DGKA: variants seen among roughly 807,000 people sequenced by gnomAD.
DGKA encodes the protein 80 kDa diacylglycerol kinase.
A neutral mutation model predicts 105.0 loss-of-function variants in DGKA; 35 were observed. The ratio of observed to expected loss-of-function variants is 0.33; its 90% CI spans 0.25 to 0.44. DGKA has a LOEUF of 0.44. DGKA is among the 20% of genes least tolerant of loss of function. The pLI is 1.00. For missense variants in DGKA, 665 were observed against 915.0 expected (o/e 0.73, Z 3.53); for synonymous variants, 296 against 332.0 (o/e 0.89, Z 1.18).
chr12:55,941,978 C>G lies in DGKA; in HGVS notation c.1251-20C>G. The G allele has an allele frequency of 6.2e-7, 1 of 1,613,418 alleles. No homozygotes were observed. The highest frequency in any genetic ancestry group is 8.5e-7 in the Non-Finnish European group (1 of 1,179,450). On this transcript the variant is annotated intron_variant, in intron 15 of 23. Coordinates refer to ENST00000331886, the MANE Select transcript of DGKA (RefSeq NM_001345.5). ...CAGTCCTGTTATCCTTCTTCATATT[C>G]TCTCTCCCCTTTGTCTCAGGCTCCG...
rs565823902 is a variant in DGKA, at chr12:55,951,906, T to G, written c.1587+123T>G. ...TGACACAGGGAAATTGGGAGTGCAG[T>G]ACAGTGCTGAGTTGCAAGGGAAGAT... On this transcript the variant is annotated intron_variant, in intron 18 of 23. Transcript: ENST00000331886. The G allele has an allele frequency of 1.4e-4, 203 of 1,498,870 alleles. 1 individual carries two copies. The African/African-American group carries it at 2.6e-3, about 19-fold the overall frequency. The allele number at this position is 1,498,870 out of a possible 1,614,324, so 92.8% of individuals were successfully genotyped here.
upstream of DGKA, among the ~76,000 whole-genome samples, chr12:55,928,067 C>T (rs181369393): frequency 7.0e-4 from 107 of 152,316 alleles, 1 homozygote; most frequent in Non-Finnish European, 7.8e-4. Context: ...CGCCGTACCT[C>T]CCTATTCTGC....
At chr12:55,938,811 G>A (rs1885302383) in intron 6 of DGKA, 104 bp from the exon 7 acceptor site, 2 of 1,562,574 alleles carry the variant, frequency 1.3e-6, no homozygotes, top group Admixed American at 1.7e-5. Flanking sequence ...GAGAATGAGA[G>A]GTGTGAATCT....
Position 55,952,714 on chromosome 12 carries a change from AC to A in DGKA, c.1744-19del. 1 of 1,613,654 alleles carries A rather than the reference AC, an allele frequency of 6.2e-7. No homozygotes were observed. On this transcript the variant is annotated intron_variant, in intron 20 of 23. Transcript: ENST00000331886. This position sits in a 1 kb window ranked among gnomAD's most constrained non-coding sequence, Gnocchi z 5.1. Reference sequence around the variant, plus strand: ...AGGATCTGTACCCTCCCTAACTGGGACTGTGCCCCCTCCTCTCAGATCTGTG... The same window carrying A: ...AGGATCTGTACCCTCCCTAACTGGGATGTGCCCCCTCCTCTCAGATCTGTG...
At chr12:55,927,771 G>A (rs547078603), upstream of DGKA, 1,373 of 1,538,654 alleles carry the variant, frequency 8.9e-4, 18 homozygotes, top group Middle Eastern at 9.2e-3. Context: ...TGGCCGAAGA[G>A]GCAGCGGACC....
In DGKA at chr12:55,940,122, C is replaced by T. The variant is rs757293862; in HGVS notation, c.750C>T (p.Ala250=). ...YTVHDQCAMK[A]LPCEVSTYAK... is the part of the protein sequence containing the mutation. ...TTCACGACCAGTGTGCCATGAAAGCCCTGCCTTGTGAAGTCAGCACCTATG... is the reference window on the plus strand; with the variant it reads ...TTCACGACCAGTGTGCCATGAAAGCTCTGCCTTGTGAAGTCAGCACCTATG... Residue 250 remains alanine, a synonymous_variant, in exon 10 of 24, where the codon GCC becomes GCT. Transcript: ENST00000331886. The surrounding 1 kb of genome is among the most constrained non-coding windows in gnomAD (Gnocchi z 4.3). 65 of 1,614,092 alleles carry T rather than the reference C, an allele frequency of 4.0e-5. No individual in the cohort carries two copies. The South Asian group carries it at 6.6e-4, about 16-fold the overall frequency.
chr12:55,947,122 A>G (rs561475985), intron 17 of DGKA, among the ~76,000 whole-genome samples: 33 of 151,926 alleles, frequency 2.2e-4, no homozygotes, highest in African/African-American at 8.0e-4. Flanking sequence ...AGTAGCTGGA[A>G]TTACAGGCAT....
chr12:55,946,467 C>T (rs978040534), intron 17 of DGKA, among the ~76,000 whole-genome samples: 9 of 152,236 alleles, frequency 5.9e-5, no homozygotes, highest in Non-Finnish European at 1.2e-4. Context: ...AGTGATTCTC[C>T]GGCCTCAGCC....
chr12:55,942,463 T>A, intron 17 of DGKA, 200 bp downstream of exon 17: 1 of 564,570 alleles, frequency 1.8e-6, no homozygotes, highest in Non-Finnish European at 3.2e-6. Flanking sequence ...CCTAGAAGGG[T>A]CAAGGGTGAT....
chr12:55,953,376 T>C lies in DGKA; in HGVS notation c.2090T>C (p.Ile697Thr). ...FHTTKTLPMQIDGEPWMQTPC... is the reference protein window; with the variant it reads ...FHTTKTLPMQTDGEPWMQTPC... ...ACCACAAAAACCCTTCCCATGCAAA[T>C]TGACGGAGAACCCTGGATGCAGACG... The change falls in exon 23 of 24, where the codon ATT becomes ACT. Residue 697 changes from isoleucine (I) to threonine (T), a missense_variant. This residue lies in a region of DGKA where 158 missense variants were observed against 213.4 expected (regional missense o/e 0.74). Transcript: ENST00000331886. The C allele has an allele frequency of 6.2e-7, 1 of 1,614,052 alleles. No homozygotes were observed. The highest frequency in any genetic ancestry group is 8.5e-7 in the Non-Finnish European group (1 of 1,179,988).
chr12:55,934,197 T>C (rs538913681), intron 1 of DGKA, among the ~76,000 whole-genome samples: 1 of 152,316 alleles, frequency 6.6e-6, no homozygotes, highest in South Asian at 2.1e-4. Flanking sequence ...CTGTCCTCTC[T>C]CCTTTGCATT....
intron 1 of DGKA, chr12:55,936,185 T>A: frequency 1.9e-6 from 1 of 513,708 alleles, no homozygotes; most frequent in Non-Finnish European, 2.9e-6. Flanking sequence ...GGGAGAAGGA[T>A]CCAGAAATGG....
chr12:55,937,288 ACTC>A (rs1253277392), intron 3 of DGKA, 117 bp from the exon 4 acceptor site: 4 of 1,311,810 alleles, frequency 3.0e-6, no homozygotes, highest in African/African-American at 1.5e-5. Flanking sequence ...AAGAAACCAT[ACTC>A]CTGCCTCAGA....
rs57799285 is a variant in DGKA at position 55,932,709 on chromosome 12, G to GCACACACACA, written c.-82+1388_-82+1397dup. The GCACACACACA allele has an allele frequency of 2.2e-6, 1 of 456,750 alleles. No individual in the cohort carries two copies. Among genetic ancestry groups the GCACACACACA allele is most frequent in the African/African-American group, 2.1e-5 (1 of 48,220 alleles). The allele number at this position is 456,750 out of a possible 1,614,324, so 28.3% of individuals were successfully genotyped here. A position where few individuals can be genotyped will look rare whatever the true frequency, so the allele number is the denominator to read the frequency against. On this transcript the variant is annotated intron_variant, in intron 1 of 23. Coordinates refer to ENST00000331886, the MANE Select transcript of DGKA (RefSeq NM_001345.5). This position sits in a 1 kb window ranked among gnomAD's most constrained non-coding sequence, Gnocchi z 4.3. ...ACACCCTCTACACACACACACACAC[G>GCACACACACA]CACACACACACACACACACACACAC...
intron 3 of DGKA, 128 bp from the exon 4 acceptor site, chr12:55,937,280 G>C (rs1249073533): frequency 7.7e-7 from 1 of 1,295,108 alleles, no homozygotes; most frequent in Non-Finnish European, 1.1e-6. Flanking sequence ...CTTAATCAAA[G>C]AAACCATACT....
chr12:55,936,372 A>T, intron 1 of DGKA, 51 bp from the exon 2 acceptor site: 1 of 1,452,746 alleles, frequency 6.9e-7, no homozygotes, highest in Non-Finnish European at 9.0e-7. Flanking sequence ...AGAAGAAAAG[A>T]CACCCAGACA....
At chr12:55,942,447 T>C (rs1886215847) in intron 17 of DGKA, 184 bp downstream of exon 17, 1 of 600,660 alleles carries the variant, frequency 1.7e-6, no homozygotes, top group Admixed American at 2.9e-5. Flanking sequence ...GGGACCACAA[T>C]CTGAACCTAG....
chr12:55,932,291 C>T lies in DGKA; in HGVS notation c.-82+947C>T. The T allele has an allele frequency of 3.8e-6, 2 of 531,330 alleles. No individual in the cohort carries two copies. The highest frequency in any genetic ancestry group is 3.2e-5 in the East Asian group (1 of 31,004). 32.9% of individuals were successfully genotyped at this position (531,330 alleles called of 1,614,324 possible). ...GGGTCTGCGCTGGGACGCGGGGGTG[C>T]AGCGGGAGGGCTGGGCCCGAACCCG... On this transcript the variant is annotated intron_variant, in intron 1 of 23. Transcript: ENST00000331886. The surrounding 1 kb of genome is among the most constrained non-coding windows in gnomAD (Gnocchi z 4.3).
intron 2 of DGKA, 151 bp downstream of exon 2, chr12:55,936,718 G>A: frequency 9.0e-7 from 1 of 1,111,626 alleles, no homozygotes; most frequent in Non-Finnish European, 1.3e-6. Flanking sequence ...GGAGGAGTGG[G>A]AGATGGGGAG....
Sources: allele counts gnomAD v4.1 joint callset (sites outside exome capture counted in the v4.1 genomes callset), GRCh38; gene constraint gnomAD v4.1.1; regional missense constraint gnomAD v4.1.1; non-coding constraint Gnocchi (gnomAD v3.1); transcripts MANE v1.5; gene names NCBI Gene and HGNC (gene_info 2026-07-23, HGNC 2026-07-21).